Variants in STK32A observed in about 807,000 individuals in gnomAD.
STK32A encodes the protein serine/threonine-protein kinase 32A.
STK32A carries 41 observed loss-of-function variants against 53.2 expected under a neutral mutation model. That is an observed-to-expected ratio of 0.77 (90% CI 0.60 to 1.00). The LOEUF (loss-of-function observed/expected upper bound fraction) is 1.00. STK32A is among the 50% of genes least tolerant of loss of function. The pLI is 0.00. For missense variants in STK32A, 458 were observed against 485.8 expected (o/e 0.94, Z 0.54); for synonymous variants, 166 against 162.8 (o/e 1.02, Z -0.15).
intron 5 of STK32A, among the ~76,000 whole-genome samples, chr5:147,342,274 C>T (rs1755460515): frequency 6.6e-6 from 1 of 152,218 alleles, no homozygotes; most frequent in South Asian, 2.1e-4. Flanking sequence ...GTAACAAGTC[C>T]CATATCCATA....
intron 7 of STK32A, among the ~76,000 whole-genome samples, chr5:147,355,220 A>C (rs1165724711): frequency 2.0e-5 from 3 of 152,182 alleles, no homozygotes; most frequent in Non-Finnish European, 2.9e-5. Flanking sequence ...AAATAATAAG[A>C]CAGTATGCCA....
At chr5:147,279,119 T>C in intron 3 of STK32A, 128 bp from the exon 4 acceptor site, 1 of 773,178 alleles carries the variant, frequency 1.3e-6, no homozygotes, top group Non-Finnish European at 1.9e-6. Flanking sequence ...AAGTGGGAGC[T>C]TTTAACATCA....
chr5:147,328,063 A>C (rs2151980088), intron 5 of STK32A, among the ~76,000 whole-genome samples: 1 of 152,348 alleles, frequency 6.6e-6, no homozygotes, highest in East Asian at 1.9e-4. Flanking sequence ...AAATTGTGTA[A>C]GAAAGACAAG....
At chr5:147,317,475 G>T (rs1053993628) in intron 4 of STK32A, among the ~76,000 whole-genome samples, 2 of 151,396 alleles carry the variant, frequency 1.3e-5, no homozygotes, top group Non-Finnish European at 2.9e-5. Flanking sequence ...TTATAGGTGC[G>T]CGCCACCATG....
chr5:147,284,670 AAAAAAC>A (rs1281855954), intron 4 of STK32A, among the ~76,000 whole-genome samples: 1 of 147,164 alleles, frequency 6.8e-6, no homozygotes, highest in Non-Finnish European at 1.5e-5. Flanking sequence ...TAGCTGCAAA[AAAAAAC>A]AAAACAAAAC....
Position 147,326,249 on chromosome 5 carries a change from T to C in STK32A, c.434+2178T>C, listed in dbSNP as rs542406548. The stretch of plus-strand genomic sequence containing the variant: ...ATAAACCAAGGATTAACTTTCTGGT[T>C]TTTTGCCCTTCAATCACATCCACAG... On this transcript the variant is annotated intron_variant, in intron 5 of 12. Transcript: ENST00000397936. 3.9e-5 allele frequency among the ~76,000 whole-genome samples: 6 copies of C among 152,314 alleles called. No homozygotes were observed. The South Asian group carries it at 1.2e-3, about 32-fold the overall frequency.
intron 4 of STK32A, among the ~76,000 whole-genome samples, chr5:147,281,129 G>C (rs946446620): frequency 2.0e-5 from 3 of 152,186 alleles, no homozygotes; most frequent in Non-Finnish European, 4.4e-5. Flanking sequence ...GAAAGAGTCT[G>C]AACAAGACTT....
In STK32A at chr5:147,384,146, G is replaced by T; in HGVS notation, c.*163G>T. The T allele has an allele frequency of 1.4e-6, 2 of 1,462,620 alleles. No individual in the cohort carries two copies. The highest frequency in any genetic ancestry group is 1.8e-6 in the Non-Finnish European group (2 of 1,120,858). The allele number at this position is 1,462,620 out of a possible 1,614,324, so 90.6% of individuals were successfully genotyped here. A position where few individuals can be genotyped will look rare whatever the true frequency, so the allele number is the denominator to read the frequency against. On this transcript the variant is annotated 3_prime_UTR_variant, in exon 13 of 13. Transcript: ENST00000397936. ...AGCACAACACAGTGAAGGGTCCTGG[G>T]CCTGAGCTCCTGGGATGTCATTTCA...
chr5:147,381,393 A>G (rs1757445984), intron 11 of STK32A, among the ~76,000 whole-genome samples: 1 of 152,188 alleles, frequency 6.6e-6, no homozygotes, highest in African/African-American at 2.4e-5. Flanking sequence ...CTGTAATCCC[A>G]GCACTTTGGG....
At position 147,242,806 on chromosome 5, in the gene STK32A, T is replaced by A. The variant is rs190628378; in HGVS notation, c.52+3120T>A. ...AAAAAGTATGCCATTCTAGGGAATTTACTTTGCTTTAAAATTCAGTACATT... is the reference window on the plus strand; with the variant it reads ...AAAAAGTATGCCATTCTAGGGAATTAACTTTGCTTTAAAATTCAGTACATT... On this transcript the variant is annotated intron_variant, in intron 2 of 12. Transcript: ENST00000397936. Among the ~76,000 whole-genome samples, 489 of 152,350 alleles carry A rather than the reference T, an allele frequency of 3.2e-3. 5 individuals are homozygous for A. Among genetic ancestry groups the A allele is most frequent in the African/African-American group, 0.011 (468 of 41,582 alleles).
chr5:147,395,859 G>T, the STK32A span: 1 of 1,068,938 alleles, frequency 9.4e-7, no homozygotes, highest in Non-Finnish European at 1.3e-6. Flanking sequence ...TTGAGGAAGG[G>T]AGAAGTAGTA....
intron 2 of STK32A, among the ~76,000 whole-genome samples, chr5:147,259,877 T>C (rs1163105596): frequency 7.5e-6 from 1 of 133,424 alleles, no homozygotes; most frequent in Non-Finnish European, 1.7e-5. Flanking sequence ...TGTCTCTCTC[T>C]CCTGTCTCTC....
At chr5:147,265,378 T>C (rs1754761166) in intron 2 of STK32A, among the ~76,000 whole-genome samples, 1 of 152,134 alleles carries the variant, frequency 6.6e-6, no homozygotes, top group Admixed American at 6.5e-5. Flanking sequence ...CCATAGTGCC[T>C]CTTTTGTACA....
downstream of STK32A, among the ~76,000 whole-genome samples, chr5:147,388,458 G>A (rs924276916): frequency 5.9e-5 from 9 of 152,230 alleles, no homozygotes; most frequent in African/African-American, 2.2e-4. Flanking sequence ...AGTTCTGCAT[G>A]CGAAGTACCC....
At chr5:147,242,582 G>C (rs1462607715) in intron 2 of STK32A, among the ~76,000 whole-genome samples, 2 of 152,140 alleles carry the variant, frequency 1.3e-5, no homozygotes. Context: ...CCTGAAAGAT[G>C]AGAAGAAGCC....
At chr5:147,259,784 GTC>G (rs1171208458) in intron 2 of STK32A, among the ~76,000 whole-genome samples, 2 of 148,160 alleles carry the variant, frequency 1.3e-5, no homozygotes, top group Non-Finnish European at 3.0e-5. Flanking sequence ...TCTCCTCTCT[GTC>G]TCTCTCTTCT....
chr5:147,240,329 T>G (rs1017671127), intron 2 of STK32A, among the ~76,000 whole-genome samples: 3 of 152,176 alleles, frequency 2.0e-5, no homozygotes, highest in African/African-American at 7.2e-5. Context: ...CATTGGCGTA[T>G]GCAGGTGGCA....
chr5:147,249,908 C>CAAAAAAAAAAAAAAA lies in STK32A; in HGVS notation c.52+10232_52+10246dup, dbSNP rs35848112. Among the ~76,000 whole-genome samples, 2 of 58,580 alleles carry CAAAAAAAAAAAAAAA rather than the reference C, an allele frequency of 3.4e-5. 1 individual carries two copies. The allele number at this position is 58,580 out of a possible 152,430, so 38.4% of individuals were successfully genotyped here. A position where few individuals can be genotyped will look rare whatever the true frequency, so the allele number is the denominator to read the frequency against. On this transcript the variant is annotated intron_variant, in intron 2 of 12. Coordinates refer to ENST00000397936, the MANE Select transcript of STK32A (RefSeq NM_001112724.2). ...TGGGCAACAGAGTAAGCCTCTGTCT[C>CAAAAAAAAAAAAAAA]AAAAAAAAAAAAAAAAAAAAAAAAG...
chr5:147,332,280 G>A (rs1199536806), intron 5 of STK32A, among the ~76,000 whole-genome samples: 1 of 151,182 alleles, frequency 6.6e-6, no homozygotes, highest in African/African-American at 2.4e-5. Context: ...CTATTTTAAT[G>A]TTGCCAGAGA....
Sources: allele counts gnomAD v4.1 joint callset (sites outside exome capture counted in the v4.1 genomes callset), GRCh38; gene constraint gnomAD v4.1.1; transcripts MANE v1.5; gene names NCBI Gene and HGNC (gene_info 2026-07-23, HGNC 2026-07-21).